Variants in FBXO22 observed in about 807,000 individuals in gnomAD.
FBXO22 encodes the protein F-box only protein 22.
A neutral mutation model predicts 37.2 loss-of-function variants in FBXO22; 13 were observed. That is an observed-to-expected ratio of 0.35 (90% CI 0.23 to 0.56). The LOEUF (loss-of-function observed/expected upper bound fraction) is 0.56. Among genes scored for constraint, FBXO22 ranks in the 20% least tolerant of loss-of-function variants. The probability of loss-of-function intolerance (pLI) is 0.87; values close to 1 mark genes in which losing one functional copy is unlikely to be tolerated. For synonymous variants in FBXO22, 189 were observed against 189.1 expected, an observed-to-expected ratio of 1.00 and a Z score of 0.00; for missense variants, 446 against 509.9, an observed-to-expected ratio of 0.87 and a Z score of 1.21.
chr15:75,904,961 C>T (rs1023334942), intron 2 of FBXO22, among the ~76,000 whole-genome samples: 208 of 151,960 alleles, frequency 1.4e-3, no homozygotes, highest in African/African-American at 4.7e-3. Context: ...GTAGCTGGGA[C>T]TACAGGCGCC....
chr15:75,908,985 A>G (rs1014019428), intron 2 of FBXO22, among the ~76,000 whole-genome samples: 6 of 152,224 alleles, frequency 3.9e-5, no homozygotes, highest in African/African-American at 1.2e-4. Flanking sequence ...CCCTCAAATT[A>G]TAATGGACCA....
At chr15:75,916,303 CT>C (rs1900187001) in intron 4 of FBXO22, among the ~76,000 whole-genome samples, 1 of 152,144 alleles carries the variant, frequency 6.6e-6, no homozygotes, top group Non-Finnish European at 1.5e-5. Context: ...ATACCACAGA[CT>C]GGGTGACTTA....
At chr15:75,927,820 T>C (rs17427842) in intron 5 of FBXO22, among the ~76,000 whole-genome samples, 35,224 of 152,134 alleles carry the variant, frequency 0.23, 4,936 homozygotes, top group Non-Finnish European at 0.31. Context: ...GCATACCCTT[T>C]GTTTCCTTAA....
At chr15:75,921,352 C>T (rs1900318827) in intron 5 of FBXO22, among the ~76,000 whole-genome samples, 1 of 152,124 alleles carries the variant, frequency 6.6e-6, no homozygotes, top group African/African-American at 2.4e-5. Context: ...GCTTAAGCTA[C>T]ATTAAATTAA....
In FBXO22 at chr15:75,941,249, T is replaced by C. The variant is rs1247839242; in HGVS notation, c.*8147T>C. ...CATTGAGATACCACTTCATACCCAC[T>C]GGGATAGCTCTTATTAAAATTAAAA... is the stretch of plus-strand genomic sequence containing the variant. On this transcript the variant is annotated 3_prime_UTR_variant, in exon 7 of 7. Transcript: ENST00000308275. 6.6e-6 allele frequency: 1 copy of C among 152,106 alleles called. No individual in the cohort carries two copies. Among genetic ancestry groups the C allele is most frequent in the African/African-American group, 2.4e-5 (1 of 41,420 alleles). The allele number at this position is 152,106 out of a possible 1,614,324, so 9.4% of individuals were successfully genotyped here.
At chr15:75,929,709 A>C (rs2029941786) in intron 5 of FBXO22, among the ~76,000 whole-genome samples, 175 bp from the exon 6 acceptor site, 2 of 152,218 alleles carry the variant, frequency 1.3e-5, no homozygotes, top group South Asian at 4.1e-4. Context: ...CTTGATACAG[A>C]GATCGAAGAG....
rs776809573 is a variant in FBXO22, at chr15:75,903,946, C to T, written c.-18C>T. 2.6e-6 allele frequency: 4 copies of T among 1,531,356 alleles called. No homozygotes were observed. Among genetic ancestry groups the T allele is most frequent in the Non-Finnish European group, 2.6e-6 (3 of 1,134,988 alleles). 94.9% of individuals were successfully genotyped at this position (1,531,356 alleles called of 1,614,324 possible). A position where few individuals can be genotyped will look rare whatever the true frequency, so the allele number is the denominator to read the frequency against. On this transcript the variant is annotated 5_prime_UTR_variant, in exon 1 of 7. Transcript: ENST00000308275. ...CCTCCGAGCCGCCGTAGGACTGGTT[C>T]CGGCGGGCTGGTGAGGAATGGAGCC...
chr15:75,919,126 G>A (rs1222660790), intron 5 of FBXO22, among the ~76,000 whole-genome samples: 1 of 152,006 alleles, frequency 6.6e-6, no homozygotes, highest in African/African-American at 2.4e-5. Flanking sequence ...GCACCACCAT[G>A]CCTGGCTAAT....
At chr15:75,918,641 G>A (rs1900244950) in intron 5 of FBXO22, among the ~76,000 whole-genome samples, 1 of 152,114 alleles carries the variant, frequency 6.6e-6, no homozygotes, top group Admixed American at 6.6e-5. Flanking sequence ...AAGAAAATGT[G>A]GTATACATAC....
intron 5 of FBXO22, among the ~76,000 whole-genome samples, chr15:75,918,789 A>G (rs543769386): frequency 6.6e-6 from 1 of 152,304 alleles, no homozygotes; most frequent in East Asian, 1.9e-4. Context: ...GGAATCTAAA[A>G]ATGTTGCTCT....
rs958172226 is a variant in FBXO22, at chr15:75,938,522, G to A, written c.*5420G>A. 2 of 152,010 alleles carry A rather than the reference G, an allele frequency of 1.3e-5. No individual in the cohort carries two copies. Among genetic ancestry groups the A allele is most frequent in the Admixed American group, 6.5e-5 (1 of 15,268 alleles). 9.4% of individuals were successfully genotyped at this position (152,010 alleles called of 1,614,324 possible). A position where few individuals can be genotyped will look rare whatever the true frequency, so the allele number is the denominator to read the frequency against. ...TGCCCAAAGAACTAAAGGAAAACAT[G>A]AACAAAGAATTAAAGAAATCAGGAA... On this transcript the variant is annotated 3_prime_UTR_variant, in exon 7 of 7. Transcript: ENST00000308275.
At chr15:75,913,410 T>C in intron 3 of FBXO22, 120 bp downstream of exon 3, 1 of 614,604 alleles carries the variant, frequency 1.6e-6, no homozygotes, top group Non-Finnish European at 2.9e-6. Flanking sequence ...GACTGCCACC[T>C]GTAGTATGCA....
intron 5 of FBXO22, among the ~76,000 whole-genome samples, chr15:75,922,285 C>T (rs939579743): frequency 2.6e-5 from 4 of 152,252 alleles, no homozygotes; most frequent in South Asian, 2.1e-4. Flanking sequence ...CGTGTCACCA[C>T]GCCTGGCTGT....
rs1695381 is a variant in FBXO22, at chr15:75,941,786, A to C, written c.*8684A>C. On this transcript the variant is annotated 3_prime_UTR_variant, in exon 7 of 7. Coordinates refer to ENST00000308275, the MANE Select transcript of FBXO22 (RefSeq NM_147188.3). ...AATGGGAATTTATTGTTTAAGGGGC[A>C]CAGAGATTAGTGTGGGATCATGAAA... is the stretch of plus-strand genomic sequence containing the variant. 7.2e-5 allele frequency: 11 copies of C among 152,146 alleles called. No homozygotes were observed. The highest frequency in any genetic ancestry group is 2.7e-4 in the African/African-American group (11 of 41,422). The allele number at this position is 152,146 out of a possible 1,614,324, so 9.4% of individuals were successfully genotyped here.
rs1346410821 is a variant in FBXO22 at position 75,940,936 on chromosome 15, T to C, written c.*7834T>C. ...AATTCACAGACAACGAAAGAAAAAA[T>C]AGGCAAATTATACTTCATTAAAATT... On this transcript the variant is annotated 3_prime_UTR_variant, in exon 7 of 7. Coordinates refer to ENST00000308275, the MANE Select transcript of FBXO22 (RefSeq NM_147188.3). 1.3e-5 allele frequency: 2 copies of C among 151,960 alleles called. No individual in the cohort carries two copies. The highest frequency in any genetic ancestry group is 2.9e-5 in the Non-Finnish European group (2 of 67,946). 9.4% of individuals were successfully genotyped at this position (151,960 alleles called of 1,614,324 possible).
intron 5 of FBXO22, among the ~76,000 whole-genome samples, 171 bp from the exon 6 acceptor site, chr15:75,929,713 C>T (rs1005665459): frequency 1.3e-5 from 2 of 151,804 alleles, no homozygotes; most frequent in Admixed American, 6.6e-5. Context: ...ATACAGAGAT[C>T]GAAGAGGATA....
At chr15:75,920,680 A>G (rs1445574180) in intron 5 of FBXO22, among the ~76,000 whole-genome samples, 1 of 151,922 alleles carries the variant, frequency 6.6e-6, no homozygotes, top group Non-Finnish European at 1.5e-5. Flanking sequence ...AAAACTAGCC[A>G]AGCATGGTGG....
intron 5 of FBXO22, among the ~76,000 whole-genome samples, chr15:75,918,382 A>G (rs557510338): frequency 1.8e-4 from 27 of 152,110 alleles, no homozygotes; most frequent in Middle Eastern, 3.4e-3. Flanking sequence ...AACAAGAGGC[A>G]TTAGCAGCAA....
intron 5 of FBXO22, among the ~76,000 whole-genome samples, chr15:75,917,704 T>C (rs1357796642): frequency 6.6e-6 from 1 of 152,262 alleles, no homozygotes; most frequent in Non-Finnish European, 1.5e-5. Flanking sequence ...TTTTAAGGAA[T>C]TCTTGCTCTA....
Sources: gnomAD v4.1 joint callset for allele counts (sites outside exome capture counted in the v4.1 genomes callset) on GRCh38, gnomAD v4.1.1 for gene constraint, MANE v1.5 for transcripts, NCBI Gene and HGNC (gene_info 2026-07-23, HGNC 2026-07-21) for gene names.